The following ZHX2 variants were observed in gnomAD, a reference collection of about 807,000 sequenced individuals.
The protein encoded by ZHX2 is zinc fingers and homeoboxes protein 2.
In ZHX2, 6 loss-of-function variants were observed where a neutral mutation model predicts 21.9. That is an observed-to-expected ratio of 0.27 (90% confidence interval 0.15 to 0.54). The LOEUF is 0.54. Among genes scored for constraint, ZHX2 ranks in the 20% least tolerant of loss-of-function variants. ZHX2 has a pLI of 0.95. For missense variants in ZHX2, 908 were observed against 1,090.7 expected (o/e 0.83, Z 2.36); for synonymous variants, 434 against 437.1 (o/e 0.99, Z 0.09).
In ZHX2 at chr8:122,957,762, C is replaced by T. The variant is rs554002191; in HGVS notation, c.*4+3734C>T. On this transcript the variant is annotated intron_variant, in intron 3 of 3. Transcript: ENST00000314393. ...CTGGGATGACAGGCAGGAGCCACCG[C>T]GCCCCACCATTGGAGTTCCATGGTA... Among the ~76,000 whole-genome samples the T allele has an allele frequency of 2.8e-4, 43 of 152,264 alleles. No individual in the cohort carries two copies. The South Asian group carries it at 3.1e-3, about 11-fold the overall frequency.
intron 1 of ZHX2, among the ~76,000 whole-genome samples, chr8:122,839,357 T>A (rs1586313046): frequency 6.6e-6 from 1 of 152,214 alleles, no homozygotes; most frequent in East Asian, 1.9e-4. Flanking sequence ...TTTATATTTT[T>A]AGCTGGTACA....
At chr8:122,835,504 G>A (rs562449439) in intron 1 of ZHX2, among the ~76,000 whole-genome samples, 1 of 152,268 alleles carries the variant, frequency 6.6e-6, no homozygotes, top group South Asian at 2.1e-4. Context: ...AGTAGGGGAC[G>A]GTGTAGGAAA....
chr8:122,806,722 C>T (rs151262614), intron 1 of ZHX2, among the ~76,000 whole-genome samples: 256 of 152,278 alleles, frequency 1.7e-3, no homozygotes, highest in Non-Finnish European at 2.8e-3. Flanking sequence ...GAGTGACTGT[C>T]CCATTTGACA....
At chr8:122,854,241 C>G (rs1230798756) in intron 1 of ZHX2, among the ~76,000 whole-genome samples, 1 of 152,186 alleles carries the variant, frequency 6.6e-6, no homozygotes, top group Non-Finnish European at 1.5e-5. Context: ...TGAGTCCTCA[C>G]CCCACACTTG....
At chr8:122,915,959 TC>T (rs1820589560) in intron 2 of ZHX2, among the ~76,000 whole-genome samples, 1 of 152,040 alleles carries the variant, frequency 6.6e-6, no homozygotes, top group South Asian at 2.1e-4. Flanking sequence ...GCTGTCTTCC[TC>T]CCCCTTCCTG....
chr8:122,969,926 A>G (rs1813677640), intron 3 of ZHX2, among the ~76,000 whole-genome samples: 1 of 152,246 alleles, frequency 6.6e-6, no homozygotes, highest in Admixed American at 6.5e-5. Context: ...TGAGGAAAGT[A>G]ACAGAGAAGC....
intron 3 of ZHX2, among the ~76,000 whole-genome samples, chr8:122,972,964 C>T (rs1016046241): frequency 2.0e-5 from 3 of 152,146 alleles, no homozygotes; most frequent in African/African-American, 7.2e-5. Context: ...AATCACAGGC[C>T]ACCACCTTCA....
intron 2 of ZHX2, among the ~76,000 whole-genome samples, chr8:122,945,476 G>A (rs34976665): frequency 9.1e-5 from 12 of 132,294 alleles, no homozygotes; most frequent in African/African-American, 1.8e-4. Context: ...CATGTATTCC[G>A]AGGCAATTTA....
At chr8:122,874,043 T>G (rs2129719108) in intron 2 of ZHX2, among the ~76,000 whole-genome samples, 1 of 152,324 alleles carries the variant, frequency 6.6e-6, no homozygotes, top group Non-Finnish European at 1.5e-5. Context: ...TTAGCAACCT[T>G]AATTCCATCT....
intron 3 of ZHX2, among the ~76,000 whole-genome samples, chr8:122,962,795 T>G (rs534465248): frequency 6.6e-6 from 1 of 152,332 alleles, no homozygotes; most frequent in East Asian, 1.9e-4. Context: ...CTATTATTTT[T>G]TGGTTATTTA....
chr8:122,797,710 C>G (rs930266885), intron 1 of ZHX2, among the ~76,000 whole-genome samples: 1 of 152,098 alleles, frequency 6.6e-6, no homozygotes, highest in Non-Finnish European at 1.5e-5. Context: ...GAACGGCCAC[C>G]CAGACATTCA....
intron 2 of ZHX2, among the ~76,000 whole-genome samples, chr8:122,864,184 G>A (rs1308664562): frequency 1.3e-5 from 2 of 149,458 alleles, no homozygotes; most frequent in Non-Finnish European, 3.0e-5. Flanking sequence ...CCTGTTCCCT[G>A]GTGATCTAGA....
intron 2 of ZHX2, among the ~76,000 whole-genome samples, chr8:122,891,984 T>C (rs1212508807): frequency 3.3e-5 from 5 of 152,244 alleles, no homozygotes; most frequent in Non-Finnish European, 7.3e-5. Context: ...GGTGATTTTC[T>C]GCCTAGATGG....
chr8:122,842,279 G>T (rs1818647839), intron 1 of ZHX2, among the ~76,000 whole-genome samples: 1 of 152,162 alleles, frequency 6.6e-6, no homozygotes, highest in African/African-American at 2.4e-5. Flanking sequence ...TCTTCTCTCA[G>T]GGCCCCCAGT....
intron 2 of ZHX2, among the ~76,000 whole-genome samples, chr8:122,949,834 T>C (rs1418026238): frequency 1.3e-5 from 2 of 152,210 alleles, no homozygotes; most frequent in Admixed American, 1.3e-4. Flanking sequence ...AGATAGAGGC[T>C]GCAGTGAGCT....
chr8:122,902,595 G>GGGT (rs1820258236), intron 2 of ZHX2, among the ~76,000 whole-genome samples: 2 of 152,270 alleles, frequency 1.3e-5, no homozygotes, highest in Admixed American at 1.3e-4. Context: ...CAGGAGACTT[G>GGGT]GGTTCAAATC....
intron 1 of ZHX2, among the ~76,000 whole-genome samples, chr8:122,857,096 C>T (rs543172965): frequency 2.0e-5 from 3 of 152,240 alleles, no homozygotes; most frequent in Non-Finnish European, 2.9e-5. Context: ...GCCTGGTGTG[C>T]GCTGCCTGTC....
Position 122,952,626 on chromosome 8 carries a change from C to G in ZHX2, c.1116C>G (p.Gly372=), listed in dbSNP as rs757301213. The G allele has an allele frequency of 6.2e-7, 1 of 1,614,166 alleles. No individual in the cohort carries two copies. Among genetic ancestry groups the G allele is most frequent in the East Asian group, 2.2e-5 (1 of 44,876 alleles). ...LQTALPCQIL[G]QTSLVLTQVT... ...CGGCTCTACCGTGCCAGATCCTCGGCCAGACTAGCCTGGTGCTGACTCAGG... is the reference window on the plus strand; with the variant it reads ...CGGCTCTACCGTGCCAGATCCTCGGGCAGACTAGCCTGGTGCTGACTCAGG... The change falls in exon 3 of 4, where the codon GGC becomes GGG. Residue 372 remains glycine (G), a synonymous_variant. Coordinates refer to ENST00000314393, the MANE Select transcript of ZHX2 (RefSeq NM_014943.5). This position sits in a 1 kb window ranked among gnomAD's most constrained non-coding sequence, Gnocchi z 6.9.
chr8:122,950,824 C>G (rs1813092007), intron 2 of ZHX2, among the ~76,000 whole-genome samples: 1 of 151,582 alleles, frequency 6.6e-6, no homozygotes, highest in South Asian at 2.1e-4. Flanking sequence ...TACTTTTCTG[C>G]ATTTTCTGGA....
Sources: gnomAD v4.1 joint callset for allele counts (sites outside exome capture counted in the v4.1 genomes callset) on GRCh38, gnomAD v4.1.1 for gene constraint, Gnocchi (gnomAD v3.1) non-coding constraint, MANE v1.5 for transcripts, NCBI Gene and HGNC (gene_info 2026-07-23, HGNC 2026-07-21) for gene names.